Variants in SLC7A1 observed in about 807,000 individuals in gnomAD.
The protein encoded by SLC7A1 is high affinity cationic amino acid transporter 1.
Under a neutral mutation model 53.9 loss-of-function variants are expected in SLC7A1, and 10 were observed. The ratio of observed to expected loss-of-function variants is 0.19; its 90% CI spans 0.11 to 0.31. The LOEUF (loss-of-function observed/expected upper bound fraction) is 0.31, where lower values mean the gene tolerates loss of function less well. SLC7A1 is among the 10% of genes least tolerant of loss of function. The pLI is 1.00. For missense variants in SLC7A1, 525 were observed against 827.2 expected, an observed-to-expected ratio of 0.63 and a Z score of 4.48; for synonymous variants, 342 against 338.7, an observed-to-expected ratio of 1.01 and a Z score of -0.11.
At chr13:29,589,052 C>G (rs960989699) in intron 1 of SLC7A1, among the ~76,000 whole-genome samples, 5 of 152,170 alleles carry the variant, frequency 3.3e-5, no homozygotes, top group Non-Finnish European at 7.3e-5. Context: ...GGAAGACTCT[C>G]CCAAGTCACT....
chr13:29,578,506 C>T (rs1871504433), intron 1 of SLC7A1, among the ~76,000 whole-genome samples: 1 of 152,176 alleles, frequency 6.6e-6, no homozygotes, highest in Non-Finnish European at 1.5e-5. Context: ...CGTTGTGAGG[C>T]CCAAGAAAGG....
chr13:29,571,235 T>C (rs1277501562), intron 1 of SLC7A1, among the ~76,000 whole-genome samples: 1 of 152,250 alleles, frequency 6.6e-6, no homozygotes, highest in African/African-American at 2.4e-5. Context: ...AGGTTATTGT[T>C]TGATGTATTT....
chr13:29,516,299 G>C, intron 11 of SLC7A1, 53 bp from the exon 12 acceptor site: 1 of 1,175,476 alleles, frequency 8.5e-7, no homozygotes, highest in Non-Finnish European at 1.3e-6. Flanking sequence ...GGTTCCAATA[G>C]TTCAGTAAAA....
At chr13:29,569,185 C>T (rs1476225404) in intron 1 of SLC7A1, among the ~76,000 whole-genome samples, 1 of 152,150 alleles carries the variant, frequency 6.6e-6, no homozygotes, top group African/African-American at 2.4e-5. Flanking sequence ...CACCTGTATG[C>T]ATCCCGAGCT....
intron 1 of SLC7A1, among the ~76,000 whole-genome samples, chr13:29,578,496 C>T (rs1035818363): frequency 2.6e-5 from 4 of 152,264 alleles, no homozygotes; most frequent in East Asian, 1.9e-4. Flanking sequence ...CTTGGGCAAA[C>T]GTTGTGAGGC....
intron 6 of SLC7A1, among the ~76,000 whole-genome samples, 171 bp from the exon 7 acceptor site, chr13:29,523,659 G>A (rs1237301477): frequency 2.6e-5 from 4 of 152,224 alleles, no homozygotes; most frequent in Non-Finnish European, 5.9e-5. Flanking sequence ...CGGGAGCAGA[G>A]GGGTGGTGCT....
intron 1 of SLC7A1, among the ~76,000 whole-genome samples, chr13:29,581,946 G>A (rs925348567): frequency 2.0e-5 from 3 of 152,160 alleles, no homozygotes; most frequent in African/African-American, 4.8e-5. Context: ...TTTTCTTCTC[G>A]GAGAAACCTC....
At position 29,530,573 on chromosome 13, in the gene SLC7A1, A is replaced by G. The variant is rs1288597543; in HGVS notation, c.669T>C (p.Asp223=). The change falls in exon 5 of 13, where the codon GAT becomes GAC. Residue 223 remains aspartate, a synonymous_variant. Transcript: ENST00000380752. ...AGAGACGGCCTGATGTGTTCCCAAA[A>G]TCCTCCTCCGTGAGCTGCCAGTTTT... ...SVKNWQLTEE[D]FGNTSGRLCL... The G allele has an allele frequency of 2.5e-6, 4 of 1,614,006 alleles. No homozygotes were observed. The African/African-American group carries it at 5.3e-5, about 22-fold the overall frequency.
intron 11 of SLC7A1, 115 bp from the exon 12 acceptor site, chr13:29,516,361 G>A: frequency 2.9e-6 from 2 of 685,020 alleles, no homozygotes; most frequent in South Asian, 3.7e-5. Context: ...TCGGGCGAGT[G>A]TGGGGAAGAG....
chr13:29,588,729 T>A (rs1203870064), intron 1 of SLC7A1, among the ~76,000 whole-genome samples: 1 of 152,160 alleles, frequency 6.6e-6, no homozygotes, highest in African/African-American at 2.4e-5. Context: ...GGTCTCAAAC[T>A]CCTGGCCTCA....
chr13:29,569,679 T>C (rs1871115072), intron 1 of SLC7A1, among the ~76,000 whole-genome samples: 1 of 152,164 alleles, frequency 6.6e-6, no homozygotes, highest in African/African-American at 2.4e-5. Context: ...CATTGCACTA[T>C]CAAGACAGAT....
intron 1 of SLC7A1, among the ~76,000 whole-genome samples, chr13:29,555,357 C>CAA (rs538934310): frequency 0.012 from 223 of 18,760 alleles, 50 homozygotes; most frequent in African/African-American, 0.014. Context: ...GACTCCGTCT[C>CAA]AAAAAAAAAA....
chr13:29,528,097 C>T (rs982528414), intron 5 of SLC7A1, among the ~76,000 whole-genome samples: 6 of 152,244 alleles, frequency 3.9e-5, no homozygotes, highest in South Asian at 4.1e-4. Flanking sequence ...CTGGAGAAGC[C>T]GCCTTCAGCC....
intron 5 of SLC7A1, among the ~76,000 whole-genome samples, chr13:29,525,869 C>A (rs183876815): frequency 3.3e-5 from 5 of 152,224 alleles, no homozygotes; most frequent in African/African-American, 9.6e-5. Flanking sequence ...AGCAGGGCCG[C>A]AGGACAGCAA....
chr13:29,533,817 C>G (rs1249721305), intron 3 of SLC7A1, among the ~76,000 whole-genome samples: 1 of 152,202 alleles, frequency 6.6e-6, no homozygotes, highest in Non-Finnish European at 1.5e-5. Context: ...ATTGGTGTTT[C>G]TCAGGAAATG....
intron 1 of SLC7A1, among the ~76,000 whole-genome samples, chr13:29,564,611 A>G (rs1870891285): frequency 2.0e-5 from 3 of 152,210 alleles, no homozygotes; most frequent in Non-Finnish European, 2.9e-5. Context: ...AATTAGATGC[A>G]AGGACGATCC....
chr13:29,552,056 G>A (rs1158225436), intron 2 of SLC7A1, among the ~76,000 whole-genome samples: 3 of 152,136 alleles, frequency 2.0e-5, no homozygotes, highest in African/African-American at 7.2e-5. Context: ...AAGGTCACTG[G>A]CTATATCCCC....
chr13:29,595,262 C>G (rs1011440264), intron 1 of SLC7A1, among the ~76,000 whole-genome samples, 154 bp downstream of exon 1: 3 of 152,032 alleles, frequency 2.0e-5, no homozygotes, highest in African/African-American at 7.2e-5. Context: ...CGGCCCTGGT[C>G]CTGGCCCTTC....
At chr13:29,574,694 G>C (rs1018891819) in intron 1 of SLC7A1, among the ~76,000 whole-genome samples, 1 of 126,978 alleles carries the variant, frequency 7.9e-6, no homozygotes, top group Non-Finnish European at 1.5e-5. Context: ...CACCAGGCTT[G>C]AGTGCAGTGG....
Sources: gnomAD v4.1 joint callset for allele counts (sites outside exome capture counted in the v4.1 genomes callset) on GRCh38, gnomAD v4.1.1 for gene constraint, MANE v1.5 for transcripts, NCBI Gene and HGNC (gene_info 2026-07-23, HGNC 2026-07-21) for gene names.